RWDD1: variants seen among roughly 807,000 people sequenced by gnomAD.
The protein encoded by RWDD1 is RWD domain containing 1.
In RWDD1, 17 loss-of-function variants were observed where a neutral mutation model predicts 31.6. The observed-to-expected ratio is 0.54, with a 90% CI of 0.37 to 0.81. RWDD1 has a LOEUF of 0.81. RWDD1 is among the 30% of genes least tolerant of loss of function. The pLI is 0.00. For missense variants in RWDD1, 204 were observed against 274.5 expected (o/e 0.74, Z 1.82); for synonymous variants, 78 against 94.2 (o/e 0.83, Z 0.99).
In RWDD1 at chr6:116,596,049, TG is replaced by T. The variant is rs1305449990; in HGVS notation, c.*2949del. Reference sequence around the variant, plus strand: ...GCACTCTTGTATTCCAGAAAGAAGATGATTTGTAAGTGTTCAGTATTTGTGT... The same window carrying T: ...GCACTCTTGTATTCCAGAAAGAAGATATTTGTAAGTGTTCAGTATTTGTGT... On this transcript the variant is annotated 3_prime_UTR_variant, in exon 7 of 7. Coordinates refer to ENST00000466444, the MANE Select transcript of RWDD1 (RefSeq NM_015952.4). 6.6e-6 allele frequency: 1 copy of T among 152,216 alleles called. No individual in the cohort carries two copies. Among genetic ancestry groups the T allele is most frequent in the African/African-American group, 2.4e-5 (1 of 41,456 alleles). The allele number at this position is 152,216 out of a possible 1,614,324, so 9.4% of individuals were successfully genotyped here.
chr6:116,587,314 A>G (rs1042145719), intron 3 of RWDD1, among the ~76,000 whole-genome samples: 1 of 152,174 alleles, frequency 6.6e-6, no homozygotes, highest in African/African-American at 2.4e-5. Flanking sequence ...TTCCAGGAGT[A>G]GCTGAGAGCT....
intron 1 of RWDD1, among the ~76,000 whole-genome samples, 198 bp downstream of exon 1, chr6:116,571,853 G>A (rs550425841): frequency 6.6e-6 from 1 of 152,028 alleles, no homozygotes; most frequent in South Asian, 2.1e-4. Context: ...GCTTGTTCCC[G>A]GAAATCTAAA....
rs1209315535 is a variant in RWDD1, at chr6:116,594,645, C to T, written c.*1544C>T. On this transcript the variant is annotated 3_prime_UTR_variant, in exon 7 of 7. Transcript: ENST00000466444. The stretch of plus-strand genomic sequence containing the variant: ...TCTGCAAGAGAAACACATTAACATC[C>T]GTGCACATAGAGTCCTTTGTAATAA... The T allele has an allele frequency of 2.0e-5, 3 of 152,292 alleles. No individual in the cohort carries two copies. Among genetic ancestry groups the T allele is most frequent in the Middle Eastern group, 3.4e-3 (1 of 294 alleles). 9.4% of individuals were successfully genotyped at this position (152,292 alleles called of 1,614,324 possible).
At chr6:116,576,095 C>T (rs900019197) in intron 1 of RWDD1, among the ~76,000 whole-genome samples, 2 of 152,142 alleles carry the variant, frequency 1.3e-5, no homozygotes, top group South Asian at 2.1e-4. Flanking sequence ...TTTTCTTTGC[C>T]GTACTTGCTT....
rs1217073694 is a variant in RWDD1 at position 116,571,570 on chromosome 6, A to C, written c.-13A>C. ...GGTGTCTGGGCGATCTATGGGCAAG[A>C]GCAAGGGCCACGATGACAGATTACG... On this transcript the variant is annotated 5_prime_UTR_variant, in exon 1 of 7. Transcript: ENST00000466444. The C allele has an allele frequency of 6.2e-7, 1 of 1,612,672 alleles. No individual in the cohort carries two copies. Among genetic ancestry groups the C allele is most frequent in the Non-Finnish European group, 8.5e-7 (1 of 1,179,540 alleles).
chr6:116,587,624 C>T (rs1353265050), intron 3 of RWDD1, among the ~76,000 whole-genome samples: 2 of 151,670 alleles, frequency 1.3e-5, no homozygotes, highest in African/African-American at 2.4e-5. Flanking sequence ...TTTTGTGGTG[C>T]TTCAGTTTAT....
intron 1 of RWDD1, among the ~76,000 whole-genome samples, chr6:116,577,243 TGAG>T (rs1027550291): frequency 6.6e-6 from 1 of 152,190 alleles, no homozygotes; most frequent in Non-Finnish European, 1.5e-5. Flanking sequence ...TGGGGTAGAA[TGAG>T]GAGAATAATT....
intron 6 of RWDD1, 72 bp from the exon 7 acceptor site, chr6:116,592,908 A>G (rs1583337539): frequency 2.6e-6 from 4 of 1,520,288 alleles, no homozygotes; most frequent in Non-Finnish European, 3.5e-6. Context: ...GGTAGTGCCA[A>G]TGAGTTTTAT....
rs1468841506 is a variant in RWDD1, at chr6:116,590,347, G to C, written c.490G>C (p.Glu164Gln). 5.0e-6 allele frequency: 8 copies of C among 1,600,600 alleles called. No individual in the cohort carries two copies. The Admixed American group carries it at 1.4e-4, about 28-fold the overall frequency. Residue 164 changes from glutamate to glutamine, a missense_variant, in exon 5 of 7, where the codon GAA becomes CAA. Physicochemically the swap from Glu to Gln is conservative, Grantham distance 29. Coordinates refer to ENST00000466444, the MANE Select transcript of RWDD1 (RefSeq NM_015952.4). ...AGCCAAGTTTGATGCAGAACTCTTG[G>C]AAATTAAAAAGAAAAGGATGAAAGA... ...WKAKFDAELL[E>Q]IKKKRMKEEE...
intron 3 of RWDD1, among the ~76,000 whole-genome samples, chr6:116,585,862 A>T (rs1775031930): frequency 6.6e-6 from 1 of 152,042 alleles, no homozygotes; most frequent in African/African-American, 2.4e-5. Context: ...TGACATGATC[A>T]TGGCTCATGC....
At chr6:116,582,893 T>G (rs1774971094) in intron 2 of RWDD1, among the ~76,000 whole-genome samples, 1 of 151,952 alleles carries the variant, frequency 6.6e-6, no homozygotes, top group Non-Finnish European at 1.5e-5. Context: ...CTATTAACTT[T>G]CCTCTTAGAA....
chr6:116,580,022 C>T (rs1321533), intron 1 of RWDD1, among the ~76,000 whole-genome samples: 14 of 151,838 alleles, frequency 9.2e-5, no homozygotes, highest in Admixed American at 2.0e-4. Context: ...TTAAAATAAA[C>T]GGTAAACTAC....
intron 1 of RWDD1, among the ~76,000 whole-genome samples, chr6:116,577,026 C>T (rs1411876412): frequency 6.6e-6 from 1 of 152,188 alleles, no homozygotes; most frequent in African/African-American, 2.4e-5. Flanking sequence ...ACTGCCACAT[C>T]AGACTCAGAT....
rs559036012 is a variant in RWDD1, at chr6:116,584,856, A to T, written c.269A>T (p.Gln90Leu). 14 of 1,566,458 alleles carry T rather than the reference A, an allele frequency of 8.9e-6. No homozygotes were observed. The East Asian group carries it at 3.1e-4, about 35-fold the overall frequency. Residue 90 changes from glutamine to leucine, a missense_variant and splice_region_variant, in exon 3 of 7, where the codon CAG becomes CTG. Gln to Leu is a moderately radical substitution (Grantham distance 113). Coordinates refer to ENST00000466444, the MANE Select transcript of RWDD1 (RefSeq NM_015952.4). Reference protein sequence around the residue: ...VSDILKLLALQAEENLGMVMI... With the variant: ...VSDILKLLALLAEENLGMVMI... ...GACATTTTAAAATTACTAGCATTAC[A>T]GGTAAGGAAATAATAATTTTATGTT...
In RWDD1 at chr6:116,573,987, T is replaced by C. The variant is rs149863340; in HGVS notation, c.73+2332T>C. 6.9e-5 allele frequency: 68 copies of C among 984,528 alleles called. No homozygotes were observed. In the African/African-American group the frequency reaches 1.1e-3, roughly 16 times the overall value. The allele number at this position is 984,528 out of a possible 1,614,324, so 61.0% of individuals were successfully genotyped here. A position where few individuals can be genotyped will look rare whatever the true frequency, so the allele number is the denominator to read the frequency against. ...GCTTTGACTATTTGCAAAGAAGTTT[T>C]GGTCCAGTGTTGCATTTGTTGTGAT... On this transcript the variant is annotated intron_variant, in intron 1 of 6. Transcript: ENST00000466444.
chr6:116,597,614 G>A lies in RWDD1; in HGVS notation c.*4513G>A, dbSNP rs1446617001. The A allele has an allele frequency of 6.6e-6, 1 of 151,842 alleles. No homozygotes were observed. The highest frequency in any genetic ancestry group is 1.5e-5 in the Non-Finnish European group (1 of 67,958). The allele number at this position is 151,842 out of a possible 1,614,324, so 9.4% of individuals were successfully genotyped here. ...TGCAAATAAATTGGAAACATAAAAG[G>A]TGTTTTAAGTTTAAATTTTTTTAAA... On this transcript the variant is annotated 3_prime_UTR_variant, in exon 7 of 7. Coordinates refer to ENST00000466444, the MANE Select transcript of RWDD1 (RefSeq NM_015952.4).
chr6:116,572,490 T>A (rs1055905540), intron 1 of RWDD1: 4 of 152,230 alleles, frequency 2.6e-5, no homozygotes, highest in African/African-American at 9.7e-5. Flanking sequence ...TAGGTTGGGC[T>A]AATGTAAAAT....
At chr6:116,574,334 C>T (rs1440704760) in intron 1 of RWDD1, among the ~76,000 whole-genome samples, 2 of 152,160 alleles carry the variant, frequency 1.3e-5, no homozygotes, top group Non-Finnish European at 2.9e-5. Flanking sequence ...TTGTCAGTAC[C>T]TCTAAGCAGC....
chr6:116,576,650 A>T (rs1774851086), intron 1 of RWDD1, among the ~76,000 whole-genome samples: 1 of 152,152 alleles, frequency 6.6e-6, no homozygotes. Context: ...GCATTTTTTT[A>T]GGATCTCAGC....
Sources: gnomAD v4.1 joint callset for allele counts (sites outside exome capture counted in the v4.1 genomes callset) on GRCh38, gnomAD v4.1.1 for gene constraint, MANE v1.5 for transcripts, NCBI Gene and HGNC (gene_info 2026-07-23, HGNC 2026-07-21) for gene names.